The following AUTS2 variants were observed in gnomAD, a reference collection of about 807,000 sequenced individuals.
AUTS2 encodes activator of transcription and developmental regulator AUTS2.
In AUTS2, 17 loss-of-function variants were observed where a neutral mutation model predicts 112.4. The observed-to-expected ratio is 0.15, with a 90% CI of 0.10 to 0.23. The LOEUF (loss-of-function observed/expected upper bound fraction) is 0.23. Ranked by LOEUF, AUTS2 falls within the 10% of genes least tolerant of loss-of-function variation. The pLI, the probability that AUTS2 is intolerant of heterozygous loss-of-function variation, is 1.00. For synonymous variants in AUTS2, 751 were observed against 702.7 expected (o/e 1.07, Z -1.09); for missense variants, 1,510 against 1,701.6 (o/e 0.89, Z 1.98).
At chr7:69,602,334 A>G (rs1484191681) in intron 1 of AUTS2, among the ~76,000 whole-genome samples, 1 of 152,070 alleles carries the variant, frequency 6.6e-6, no homozygotes, top group Non-Finnish European at 1.5e-5. Flanking sequence ...AAAATCCAGG[A>G]TATTTTGGTT....
chr7:70,346,703 C>T (rs968114183), intron 4 of AUTS2, among the ~76,000 whole-genome samples: 1 of 152,144 alleles, frequency 6.6e-6, no homozygotes, highest in Non-Finnish European at 1.5e-5. Context: ...AAACCCTTCA[C>T]CTACCACATC....
At chr7:70,496,810 A>G (rs1180997137) in intron 5 of AUTS2, among the ~76,000 whole-genome samples, 3 of 132,044 alleles carry the variant, frequency 2.3e-5, no homozygotes, top group Admixed American at 7.8e-5. Flanking sequence ...ACACATGCAC[A>G]CGTCACATCA....
At chr7:70,150,731 T>G (rs1344315846) in intron 4 of AUTS2, among the ~76,000 whole-genome samples, 1 of 152,264 alleles carries the variant, frequency 6.6e-6, no homozygotes, top group East Asian at 1.9e-4. Context: ...ATAGCAGCAG[T>G]AAATAAGACA....
chr7:70,768,428 C>T (rs1790076578), intron 10 of AUTS2, among the ~76,000 whole-genome samples: 1 of 152,194 alleles, frequency 6.6e-6, no homozygotes. Context: ...CACAGAAGTT[C>T]TGGAATGCAA....
chr7:69,693,597 A>G (rs1178557706), intron 1 of AUTS2, among the ~76,000 whole-genome samples: 1 of 152,146 alleles, frequency 6.6e-6, no homozygotes, highest in African/African-American at 2.4e-5. Context: ...GTGCTCATTC[A>G]GCTGGGATTT....
At chr7:70,173,911 C>G (rs1337474400) in intron 4 of AUTS2, among the ~76,000 whole-genome samples, 1 of 152,074 alleles carries the variant, frequency 6.6e-6, no homozygotes, top group Non-Finnish European at 1.5e-5. Flanking sequence ...TTCCCTGAGA[C>G]ACAACAATAT....
At chr7:70,274,990 A>C (rs1265595369) in intron 4 of AUTS2, among the ~76,000 whole-genome samples, 1 of 152,236 alleles carries the variant, frequency 6.6e-6, no homozygotes, top group Non-Finnish European at 1.5e-5. Context: ...GAAACAGTCC[A>C]CATGTATATC....
intron 1 of AUTS2, among the ~76,000 whole-genome samples, chr7:69,738,087 T>C (rs1787110430): frequency 1.3e-5 from 2 of 152,084 alleles, no homozygotes; most frequent in African/African-American, 4.8e-5. Flanking sequence ...CACTGACTGC[T>C]AAGCCAGGAG....
At chr7:70,158,388 C>T (rs901202017) in intron 4 of AUTS2, among the ~76,000 whole-genome samples, 1 of 152,038 alleles carries the variant, frequency 6.6e-6, no homozygotes, top group Non-Finnish European at 1.5e-5. Context: ...AGAAGGTGGA[C>T]AATTCTAGAG....
rs1042655805 is a variant in AUTS2 at position 70,461,823 on chromosome 7, A to C, written c.690+26042A>C. On this transcript the variant is annotated intron_variant, in intron 5 of 18. Coordinates refer to ENST00000342771, the MANE Select transcript of AUTS2 (RefSeq NM_015570.4). Reference sequence around the variant, plus strand: ...CTCCGTGGCACCTGGGGACAGGTGGAGGTGGGCGTGGGTTGTCAGGACATC... The same window carrying C: ...CTCCGTGGCACCTGGGGACAGGTGGCGGTGGGCGTGGGTTGTCAGGACATC... Among the ~76,000 whole-genome samples the C allele has an allele frequency of 2.0e-5, 3 of 152,122 alleles. No individual in the cohort carries two copies. The South Asian group carries it at 6.2e-4, about 32-fold the overall frequency.
intron 5 of AUTS2, among the ~76,000 whole-genome samples, chr7:70,485,435 C>T (rs972976555): frequency 6.6e-6 from 1 of 151,872 alleles, no homozygotes; most frequent in African/African-American, 2.4e-5. Context: ...ATGCAAAGGC[C>T]TAAGAATGAT....
At chr7:69,819,330 A>G (rs1790888202) in intron 1 of AUTS2, among the ~76,000 whole-genome samples, 1 of 152,224 alleles carries the variant, frequency 6.6e-6, no homozygotes, top group South Asian at 2.1e-4. Context: ...AATGAGCCAG[A>G]GAAATGGTCA....
chr7:70,481,616 TTAA>T (rs1385987805), intron 5 of AUTS2, among the ~76,000 whole-genome samples: 1 of 152,170 alleles, frequency 6.6e-6, no homozygotes, highest in African/African-American at 2.4e-5. Context: ...TTGTAAACAC[TTAA>T]TAAAGCACTG....
chr7:70,468,998 T>A lies in AUTS2; in HGVS notation c.690+33217T>A, dbSNP rs528266127. ...CGGGACTCTGCCCTATATAAAATAA[T>A]CGTCAGTAGTTGGGTAATAATTATT... is the stretch of plus-strand genomic sequence containing the variant. On this transcript the variant is annotated intron_variant, in intron 5 of 18. Coordinates refer to ENST00000342771, the MANE Select transcript of AUTS2 (RefSeq NM_015570.4). Among the ~76,000 whole-genome samples, 5 of 152,306 alleles carry A rather than the reference T, an allele frequency of 3.3e-5. No homozygotes were observed. The South Asian group carries it at 1.0e-3, about 32-fold the overall frequency.
intron 4 of AUTS2, among the ~76,000 whole-genome samples, chr7:70,203,880 GAGA>G (rs1810433079): frequency 6.6e-6 from 1 of 151,138 alleles, no homozygotes; most frequent in Non-Finnish European, 1.5e-5. Context: ...TATTTGTAGA[GAGA>G]AGAAGGGAGT....
At chr7:70,156,891 T>TAAAAAAAAAAAAAAAA (rs781281055) in intron 4 of AUTS2, among the ~76,000 whole-genome samples, 6 of 37,874 alleles carry the variant, frequency 1.6e-4, no homozygotes, top group East Asian at 8.4e-4. Flanking sequence ...CTACTAAAAG[T>TAAAAAAAAAAAAAAAA]AAAAAAAAAA....
chr7:70,523,258 T>C (rs1219406236), intron 5 of AUTS2, among the ~76,000 whole-genome samples: 1 of 152,212 alleles, frequency 6.6e-6, no homozygotes, highest in Non-Finnish European at 1.5e-5. Flanking sequence ...TCAGACTTGA[T>C]CCAGGGATAG....
Position 69,599,486 on chromosome 7 carries a change from CTCTT to C in AUTS2, c.-163_-160del, listed in dbSNP as rs1321964112. On this transcript the variant is annotated 5_prime_UTR_variant, in exon 1 of 19. Coordinates refer to ENST00000342771, the MANE Select transcript of AUTS2 (RefSeq NM_015570.4). The surrounding 1 kb of genome is among the most constrained non-coding windows in gnomAD (Gnocchi z 7.0). ...GCCCCTTCCCCCTTTTCTTTCTCCT[CTCTT>C]TCTTCCCCTCTCTCCCTTCTTTCGG... The C allele has an allele frequency of 1.9e-6, 1 of 531,032 alleles. No homozygotes were observed. Among genetic ancestry groups the C allele is most frequent in the African/African-American group, 2.0e-5 (1 of 50,432 alleles). 32.9% of individuals were successfully genotyped at this position (531,032 alleles called of 1,614,324 possible). A position where few individuals can be genotyped will look rare whatever the true frequency, so the allele number is the denominator to read the frequency against.
At chr7:69,791,260 G>A (rs1789595513) in intron 1 of AUTS2, among the ~76,000 whole-genome samples, 1 of 152,178 alleles carries the variant, frequency 6.6e-6, no homozygotes, top group Non-Finnish European at 1.5e-5. Context: ...TGCATTTAGT[G>A]CACTTGGCGA....
Sources: gnomAD v4.1 joint callset for allele counts (sites outside exome capture counted in the v4.1 genomes callset) on GRCh38, gnomAD v4.1.1 for gene constraint, Gnocchi (gnomAD v3.1) non-coding constraint, MANE v1.5 for transcripts, NCBI Gene and HGNC (gene_info 2026-07-23, HGNC 2026-07-21) for gene names.